Variants in CARS2 observed in about 807,000 individuals in gnomAD.
CARS2 encodes the protein cysteinyl-tRNA synthetase 2, mitochondrial, also known as probable cysteine--tRNA ligase, mitochondrial.
CARS2 carries 52 observed loss-of-function variants against 68.8 expected under a neutral mutation model. The observed-to-expected ratio is 0.76, with a 90% CI of 0.61 to 0.95. The LOEUF is 0.95. Ranked by LOEUF, CARS2 falls within the 40% of genes least tolerant of loss-of-function variation. The probability of loss-of-function intolerance (pLI) is 0.00; values close to 1 mark genes in which losing one functional copy is unlikely to be tolerated. For missense variants in CARS2, 780 were observed against 754.2 expected (o/e 1.03, Z -0.40); for synonymous variants, 314 against 303.6 (o/e 1.03, Z -0.36).
At position 110,651,085 on chromosome 13, in the gene CARS2, A is replaced by G. The variant is rs777731745; in HGVS notation, c.1003T>C (p.Phe335Leu). 5 of 1,612,914 alleles carry G rather than the reference A, an allele frequency of 3.1e-6. No homozygotes were observed. In the South Asian group the frequency reaches 4.4e-5, roughly 14 times the overall value. The change falls in exon 10 of 15, where the codon TTT (phenylalanine) becomes CTT (leucine). Residue 335 changes from phenylalanine to leucine, a missense_variant. Coordinates refer to ENST00000257347, the MANE Select transcript of CARS2 (RefSeq NM_024537.4). ...YITIKDFLKT[F>L]SPDVFRFFCL... Reference sequence around the variant, plus strand: ...AAGAACCGGAAGACATCGGGGGAAAAGGTCTTCAGAAAGTCCTGGTAAAGC... The same window carrying G: ...AAGAACCGGAAGACATCGGGGGAAAGGGTCTTCAGAAAGTCCTGGTAAAGC...
chr13:110,678,978 G>A (rs556476447), intron 6 of CARS2, among the ~76,000 whole-genome samples: 23 of 86,560 alleles, frequency 2.7e-4, no homozygotes, highest in Middle Eastern at 6.2e-3. Flanking sequence ...GGGCTGGTCC[G>A]TGATGGACTA....
chr13:110,690,631 C>A (rs989353966), intron 3 of CARS2, among the ~76,000 whole-genome samples: 4 of 152,224 alleles, frequency 2.6e-5, no homozygotes, highest in Admixed American at 6.5e-5. Flanking sequence ...CTCACCACTA[C>A]AAACACAACT....
upstream of CARS2, chr13:110,706,130 A>T: frequency 1.6e-6 from 2 of 1,269,038 alleles, no homozygotes; most frequent in South Asian, 2.4e-5. Flanking sequence ...CGGAGACGGG[A>T]GCCACGCCGG....
Position 110,699,852 on chromosome 13 carries a change from C to T in CARS2, c.393+1586G>A, listed in dbSNP as rs1269108547. On this transcript the variant is annotated intron_variant, in intron 3 of 14. Transcript: ENST00000257347. ...TGGCCCCCAGCCAACAGGGAGAGCC[C>T]GAGGAGGCGCCTCCAATGTCCCACC... Among the ~76,000 whole-genome samples the T allele has an allele frequency of 4.6e-5, 7 of 152,254 alleles. No homozygotes were observed. In the South Asian group the frequency reaches 8.3e-4, roughly 18 times the overall value.
At chr13:110,711,979 C>T (rs1479114501) in intron 1 of CARS2, among the ~76,000 whole-genome samples, 1 of 152,206 alleles carries the variant, frequency 6.6e-6, no homozygotes, top group African/African-American at 2.4e-5. Flanking sequence ...CAACAGGGTT[C>T]CATCAAATAC....
At chr13:110,696,136 TC>T (rs926884630) in intron 3 of CARS2, among the ~76,000 whole-genome samples, 2 of 152,242 alleles carry the variant, frequency 1.3e-5, no homozygotes, top group African/African-American at 4.8e-5. Flanking sequence ...TGCACAGTAT[TC>T]CATGTGCCAC....
intron 2 of CARS2, among the ~76,000 whole-genome samples, chr13:110,702,915 G>A (rs2063831220): frequency 1.3e-5 from 2 of 152,138 alleles, no homozygotes; most frequent in African/African-American, 4.8e-5. Context: ...GGGTGAGTGT[G>A]CTCATCTGGG....
intron 10 of CARS2, chr13:110,650,361 G>C (rs548755744): frequency 6.6e-6 from 1 of 152,330 alleles, no homozygotes; most frequent in East Asian, 1.9e-4. Flanking sequence ...GCCTCCCAAA[G>C]TGTTGAGATT....
At chr13:110,655,105 T>C (rs540360538) in intron 9 of CARS2, among the ~76,000 whole-genome samples, 12 of 152,276 alleles carry the variant, frequency 7.9e-5, no homozygotes, top group Non-Finnish European at 1.5e-5. Context: ...ACATTCCGAA[T>C]GTGCCCGTAT....
intron 10 of CARS2, chr13:110,649,416 G>C (rs942145196): frequency 8.2e-6 from 1 of 121,872 alleles, no homozygotes; most frequent in South Asian, 2.8e-4. Flanking sequence ...ACGCTGACAG[G>C]AGCTGCAGGC....
Position 110,641,561 on chromosome 13 carries a change from T to A in CARS2, c.1671A>T (p.Thr557=). 1 of 1,614,148 alleles carries A rather than the reference T, an allele frequency of 6.2e-7. No homozygotes were observed. Among genetic ancestry groups the A allele is most frequent in the South Asian group, 1.1e-5 (1 of 91,086 alleles). The part of the protein sequence containing the change: ...TSTWELLDQR[T]KDQKSAG Reference sequence around the variant, plus strand: ...CTCAGCCCGCTGATTTTTGGTCTTTTGTCCTTTGATCCAGCAGTTCCCACG... The same window carrying A: ...CTCAGCCCGCTGATTTTTGGTCTTTAGTCCTTTGATCCAGCAGTTCCCACG... Residue 557 remains threonine (T), a synonymous_variant, in exon 15 of 15, where the codon ACA becomes ACT. Transcript: ENST00000257347.
chr13:110,671,580 G>A (rs1043985548), intron 7 of CARS2, among the ~76,000 whole-genome samples: 1 of 152,166 alleles, frequency 6.6e-6, no homozygotes, highest in Admixed American at 6.5e-5. Flanking sequence ...AACATGGAAA[G>A]GAACAACCAG....
At chr13:110,684,236 C>T (rs905922048) in intron 5 of CARS2, among the ~76,000 whole-genome samples, 1 of 152,158 alleles carries the variant, frequency 6.6e-6, no homozygotes, top group Non-Finnish European at 1.5e-5. Flanking sequence ...TGTCCTCAGG[C>T]CCCAGGCGTG....
chr13:110,671,629 G>T (rs1026062286), intron 7 of CARS2, among the ~76,000 whole-genome samples: 1 of 152,170 alleles, frequency 6.6e-6, no homozygotes, highest in African/African-American at 2.4e-5. Context: ...TGTAAAGACC[G>T]TCAAGGCTAG....
At chr13:110,710,556 A>G (rs1253011168), upstream of CARS2, among the ~76,000 whole-genome samples, 1 of 152,208 alleles carries the variant, frequency 6.6e-6, no homozygotes, top group Non-Finnish European at 1.5e-5. Context: ...TTTTTGCAAC[A>G]CGCCACAGGA....
In CARS2 at chr13:110,674,241, A is replaced by C. The variant is rs150394346; in HGVS notation, c.785+2733T>G. Among the ~76,000 whole-genome samples, 937 of 152,204 alleles carry C rather than the reference A, an allele frequency of 6.2e-3. 8 individuals carry two copies. The highest frequency in any genetic ancestry group is 0.021 in the African/African-American group (868 of 41,556). On this transcript the variant is annotated intron_variant, in intron 7 of 14. Coordinates refer to ENST00000257347, the MANE Select transcript of CARS2 (RefSeq NM_024537.4). Reference sequence around the variant, plus strand: ...AGTTCATATGGTTTAAAGTTCAAAAAAGAGCCTGCACTGCCAAGACAATCC... The same window carrying C: ...AGTTCATATGGTTTAAAGTTCAAAACAGAGCCTGCACTGCCAAGACAATCC...
At chr13:110,664,277 T>A in intron 8 of CARS2, 1 of 824,250 alleles carries the variant, frequency 1.2e-6, no homozygotes. Flanking sequence ...GAGGCTAAGG[T>A]GGAAGGACCG....
Position 110,642,541 on chromosome 13 carries a change from G to C in CARS2, c.1417-20C>G. ...AACGTACTGAAGCCAGCAGGGCGCGGTTACGTCCCCCGGAGACTGTGGATT... is the reference window on the plus strand; with the variant it reads ...AACGTACTGAAGCCAGCAGGGCGCGCTTACGTCCCCCGGAGACTGTGGATT... On this transcript the variant is annotated intron_variant, in intron 13 of 14. Transcript: ENST00000257347. The C allele has an allele frequency of 6.2e-7, 1 of 1,607,056 alleles. No individual in the cohort carries two copies. Among genetic ancestry groups the C allele is most frequent in the African/African-American group, 1.3e-5 (1 of 74,598 alleles).
At chr13:110,697,586 G>A (rs1051955966) in intron 3 of CARS2, among the ~76,000 whole-genome samples, 1 of 152,166 alleles carries the variant, frequency 6.6e-6, no homozygotes, top group African/African-American at 2.4e-5. Context: ...GGGATTACAG[G>A]TGCACACCTC....
Sources: allele counts gnomAD v4.1 joint callset (sites outside exome capture counted in the v4.1 genomes callset), GRCh38; gene constraint gnomAD v4.1.1; transcripts MANE v1.5; gene names NCBI Gene and HGNC (gene_info 2026-07-23, HGNC 2026-07-21).